PLB1: variants seen among roughly 807,000 people sequenced by gnomAD.
PLB1 encodes phospholipase B1, also known as phospholipase B1, membrane-associated.
Under a neutral mutation model 227.4 loss-of-function variants are expected in PLB1, and 242 were observed. The observed-to-expected ratio is 1.06, with a 90% CI of 0.96 to 1.18. The LOEUF (loss-of-function observed/expected upper bound fraction) is 1.18, where lower values mean the gene tolerates loss of function less well. Ranked by LOEUF, PLB1 falls within the 50% of genes most tolerant of loss-of-function variation. The pLI, the probability that PLB1 is intolerant of heterozygous loss-of-function variation, is 0.00. For synonymous variants in PLB1, 757 were observed against 682.2 expected (o/e 1.11, Z -1.71); for missense variants, 1,858 against 1,816.3 (o/e 1.02, Z -0.42).
rs762327769 is a variant in PLB1, at chr2:28,519,740, G to T, written c.220G>T (p.Ala74Ser). Residue 74 changes from alanine (A) to serine (S), a missense_variant, in exon 4 of 58, where the codon GCA becomes TCA. Physicochemically the swap from Ala to Ser is moderately conservative, Grantham distance 99. Coordinates refer to ENST00000327757, the MANE Select transcript of PLB1 (RefSeq NM_153021.5). ...SLKPSDIKFV[A>S]AIGNLEIPPD... ...GAAGCCTTCTGATATTAAATTTGTG[G>T]CAGCCATTGGCAATCTGGAAATTGT... 16 of 1,611,934 alleles carry T rather than the reference G, an allele frequency of 9.9e-6. No individual in the cohort carries two copies. Among genetic ancestry groups the T allele is most frequent in the Non-Finnish European group, 1.4e-5 (16 of 1,178,332 alleles).
At chr2:28,624,398 T>C (rs1247314804) in intron 49 of PLB1, among the ~76,000 whole-genome samples, 2 of 123,308 alleles carry the variant, frequency 1.6e-5, no homozygotes, top group Non-Finnish European at 3.4e-5. Flanking sequence ...GTTCGTCCCT[T>C]TTTATGGCTG....
chr2:28,538,198 T>TCCTTTGC, intron 9 of PLB1, 121 bp from the exon 10 acceptor site: 1 of 1,132,808 alleles, frequency 8.8e-7, no homozygotes. Flanking sequence ...GAATGCCAGG[T>TCCTTTGC]CTAGATGGTG....
At chr2:28,543,045 G>A (rs1165836298) in intron 13 of PLB1, among the ~76,000 whole-genome samples, 167 bp from the exon 14 acceptor site, 1 of 152,170 alleles carries the variant, frequency 6.6e-6, no homozygotes, top group East Asian at 1.9e-4. Flanking sequence ...CCTGACCCCA[G>A]ACGGTGGTCC....
In PLB1 at chr2:28,529,547, A is replaced by G. The variant is rs184341730; in HGVS notation, c.416+140A>G. 1.1e-4 allele frequency: 106 copies of G among 947,052 alleles called. No individual in the cohort carries two copies. The African/African-American group carries it at 1.5e-3, about 14-fold the overall frequency. The allele number at this position is 947,052 out of a possible 1,614,324, so 58.7% of individuals were successfully genotyped here. A position where few individuals can be genotyped will look rare whatever the true frequency, so the allele number is the denominator to read the frequency against. On this transcript the variant is annotated intron_variant, in intron 7 of 57. Transcript: ENST00000327757. ...TAAGTCAAAGCCCAAATGCCCCCTC[A>G]AGCTGATTTCAGGCTGCCTGATGAG...
At chr2:28,508,355 C>T (rs1432084233) in intron 1 of PLB1, among the ~76,000 whole-genome samples, 1 of 152,178 alleles carries the variant, frequency 6.6e-6, no homozygotes, top group Non-Finnish European at 1.5e-5. Context: ...GTTCTCTGCT[C>T]CCCATTCTCA....
intron 19 of PLB1, chr2:28,566,372 C>T (rs968286105): frequency 1.2e-5 from 2 of 167,576 alleles, no homozygotes; most frequent in African/African-American, 4.8e-5. Flanking sequence ...ATGGCTGACT[C>T]TCTAGAAGAC....
intron 33 of PLB1, chr2:28,593,999 C>T (rs751780561): frequency 1.4e-6 from 1 of 737,204 alleles, no homozygotes; most frequent in Non-Finnish European, 2.5e-6. Flanking sequence ...TCTTATCAGA[C>T]TCCTGGGTCA....
At chr2:28,584,810 G>A (rs1680636587) in intron 25 of PLB1, among the ~76,000 whole-genome samples, 1 of 152,224 alleles carries the variant, frequency 6.6e-6, no homozygotes, top group Admixed American at 6.5e-5. Flanking sequence ...AGCTGGCCGG[G>A]TCAGAGCTGC....
Position 28,535,643 on chromosome 2 carries a change from G to A in PLB1, c.556-2676G>A, listed in dbSNP as rs976429667. 4.6e-5 allele frequency among the ~76,000 whole-genome samples: 7 copies of A among 152,138 alleles called. No homozygotes were observed. In the South Asian group the frequency reaches 6.2e-4, roughly 14 times the overall value. ...GTAAAAATGTGCTCTGTAGATGGCC[G>A]GGCATGGTGGCTCATGCTTGTAATC... On this transcript the variant is annotated intron_variant, in intron 9 of 57. Coordinates refer to ENST00000327757, the MANE Select transcript of PLB1 (RefSeq NM_153021.5).
chr2:28,532,965 C>T (rs1325847986), intron 9 of PLB1, among the ~76,000 whole-genome samples: 1 of 152,106 alleles, frequency 6.6e-6, no homozygotes, highest in East Asian at 1.9e-4. Context: ...GAAATCTAAG[C>T]CATGGTGAAA....
At chr2:28,567,747 C>T (rs975620086) in intron 20 of PLB1, among the ~76,000 whole-genome samples, 1 of 152,140 alleles carries the variant, frequency 6.6e-6, no homozygotes, top group East Asian at 1.9e-4. Context: ...GCTGGGATTA[C>T]AGGCGGAATG....
intron 41 of PLB1, 92 bp downstream of exon 41, chr2:28,604,851 G>A (rs1684437264): frequency 4.2e-6 from 5 of 1,178,830 alleles, no homozygotes; most frequent in Middle Eastern, 3.9e-4. Flanking sequence ...TGCATAAAAT[G>A]GGAAAGACAC....
At chr2:28,632,195 T>C (rs866376597) in intron 55 of PLB1, 55 bp downstream of exon 55, 8 of 1,400,008 alleles carry the variant, frequency 5.7e-6, no homozygotes, top group Middle Eastern at 3.6e-4. Context: ...TCACAGACGA[T>C]GGATGTATTT....
Position 28,632,131 on chromosome 2 carries a change from A to G in PLB1, c.3993A>G (p.Pro1331=). ...VQPFFQNTLT[P]LNERGDTDLT... is the part of the protein sequence containing the mutation. ...CTTTCTTCCAAAACACACTCACCCCACTGAACGAGGTGAGCTGCAGGTATT... is the reference window on the plus strand; with the variant it reads ...CTTTCTTCCAAAACACACTCACCCCGCTGAACGAGGTGAGCTGCAGGTATT... Residue 1331 remains proline (P), a synonymous_variant, in exon 55 of 58, where the codon CCA becomes CCG. Coordinates refer to ENST00000327757, the MANE Select transcript of PLB1 (RefSeq NM_153021.5). 12 of 1,612,180 alleles carry G rather than the reference A, an allele frequency of 7.4e-6. No individual in the cohort carries two copies. Among genetic ancestry groups the G allele is most frequent in the Non-Finnish European group, 1.0e-5 (12 of 1,178,572 alleles).
At chr2:28,621,065 G>A in intron 49 of PLB1, 87 bp downstream of exon 49, 1 of 1,142,938 alleles carries the variant, frequency 8.7e-7, no homozygotes, top group Non-Finnish European at 1.3e-6. Context: ...GTGGTGTCCA[G>A]AAGCCTGGTC....
rs184367969 is a variant in PLB1, at chr2:28,578,229, G to A, written c.1485+71G>A. ...AGAGAAGATCAGCTGTGGATTGAGGGATGGTTGGGAGCCCGGCTTGGGTTT... is the reference window on the plus strand; with the variant it reads ...AGAGAAGATCAGCTGTGGATTGAGGAATGGTTGGGAGCCCGGCTTGGGTTT... On this transcript the variant is annotated intron_variant, in intron 22 of 57. Transcript: ENST00000327757. The A allele has an allele frequency of 3.7e-4, 550 of 1,498,842 alleles. 3 individuals are homozygous for A. The African/African-American group carries it at 6.4e-3, about 17-fold the overall frequency. The allele number at this position is 1,498,842 out of a possible 1,614,324, so 92.8% of individuals were successfully genotyped here.
At chr2:28,641,955 T>G (rs1022199354) in intron 57 of PLB1, among the ~76,000 whole-genome samples, 2 of 152,056 alleles carry the variant, frequency 1.3e-5, no homozygotes, top group African/African-American at 2.4e-5. Flanking sequence ...CACACTGCAC[T>G]CCTGGCCGGT....
At chr2:28,597,935 G>T (rs1275233998) in intron 33 of PLB1, 70 bp from the exon 34 acceptor site, 18 of 1,462,716 alleles carry the variant, frequency 1.2e-5, no homozygotes, top group Non-Finnish European at 1.6e-5. Context: ...CTGCTCTTGT[G>T]TAAAGTTCCT....
intron 2 of PLB1, among the ~76,000 whole-genome samples, chr2:28,517,329 G>T (rs1668972491): frequency 6.6e-6 from 1 of 151,990 alleles, no homozygotes; most frequent in Admixed American, 6.6e-5. Context: ...TTTCCCTATT[G>T]GAGTATTCCC....
Sources: gnomAD v4.1 joint callset for allele counts (sites outside exome capture counted in the v4.1 genomes callset) on GRCh38, gnomAD v4.1.1 for gene constraint, MANE v1.5 for transcripts, NCBI Gene and HGNC (gene_info 2026-07-23, HGNC 2026-07-21) for gene names.